Variants in LRRC37A2 observed in about 807,000 individuals in gnomAD.
LRRC37A2 encodes leucine-rich repeat-containing protein 37A2.
Under a neutral mutation model 68.8 loss-of-function variants are expected in LRRC37A2, and 9 were observed. The ratio of observed to expected loss-of-function variants is 0.13; its 90% confidence interval spans 0.08 to 0.23. LRRC37A2 has a LOEUF of 0.23. Ranked by LOEUF, LRRC37A2 falls within the 10% of genes least tolerant of loss-of-function variation. The pLI is 1.00. For missense variants in LRRC37A2, 168 were observed against 950.4 expected, an observed-to-expected ratio of 0.18 and a Z score of 10.82; for synonymous variants, 63 against 367.6, an observed-to-expected ratio of 0.17 and a Z score of 9.48.
At chr17:46,764,997 C>G in the LRRC37A2 span, among the ~76,000 whole-genome samples, 10 of 152,364 alleles carry the variant, frequency 6.6e-5, no homozygotes, top group East Asian at 1.5e-3. Flanking sequence ...TCACGCCAGG[C>G]ATGCACTGTG....
chr17:46,914,205 G>C, the LRRC37A2 span, among the ~76,000 whole-genome samples: 1 of 152,202 alleles, frequency 6.6e-6, no homozygotes, highest in African/African-American at 2.4e-5. Context: ...GGCCCCAACG[G>C]TGCAAGGTGG....
At chr17:46,869,175 C>T in the LRRC37A2 span, among the ~76,000 whole-genome samples, 2 of 152,192 alleles carry the variant, frequency 1.3e-5, no homozygotes, top group African/African-American at 4.8e-5. Flanking sequence ...GGCTACCTTT[C>T]CTGGTCATTA....
the LRRC37A2 span, among the ~76,000 whole-genome samples, chr17:46,733,213 T>A: frequency 6.6e-6 from 1 of 152,272 alleles, no homozygotes; most frequent in South Asian, 2.1e-4. Flanking sequence ...AATGTGCTTT[T>A]CAAGATCAGG....
Position 46,528,786 on chromosome 17 carries a change from A to G in LRRC37A2, c.2906+4902A>G, listed in dbSNP as rs984085701. On this transcript the variant is annotated intron_variant, in intron 6 of 14. Transcript: ENST00000576629. ...CAGATTCTCTAGATTTTGCCCCTGA[A>G]AAAGCATTTACGTGATGCAGTCCGA... 16 of 672,676 alleles carry G rather than the reference A, an allele frequency of 2.4e-5. No individual in the cohort carries two copies. The African/African-American group carries it at 3.0e-4, about 12-fold the overall frequency. The allele number at this position is 672,676 out of a possible 1,614,324, so 41.7% of individuals were successfully genotyped here. A position where few individuals can be genotyped will look rare whatever the true frequency, so the allele number is the denominator to read the frequency against.
chr17:46,864,274 G>A, the LRRC37A2 span, among the ~76,000 whole-genome samples: 16 of 152,132 alleles, frequency 1.1e-4, no homozygotes, highest in African/African-American at 3.9e-4. Context: ...CCAGGAGTGC[G>A]GTTTCAGCCA....
the LRRC37A2 span, among the ~76,000 whole-genome samples, chr17:47,011,800 A>T: frequency 6.6e-6 from 1 of 152,236 alleles, no homozygotes; most frequent in South Asian, 2.1e-4. Context: ...TTTCCTCAGG[A>T]TTAGACACAG....
At chr17:46,983,888 T>A in the LRRC37A2 span, among the ~76,000 whole-genome samples, 1 of 152,150 alleles carries the variant, frequency 6.6e-6, no homozygotes, top group African/African-American at 2.4e-5. Flanking sequence ...GCCATTGGCT[T>A]CCAAGGTGAC....
chr17:46,378,014 A>T, the LRRC37A2 span, among the ~76,000 whole-genome samples: 1 of 72,048 alleles, frequency 1.4e-5, no homozygotes. Flanking sequence ...AAAGCATGCA[A>T]TATTTGTCTT....
chr17:46,895,237 G>C, the LRRC37A2 span, among the ~76,000 whole-genome samples: 1 of 152,246 alleles, frequency 6.6e-6, no homozygotes. Context: ...GAGGCTGCTA[G>C]CTGGGATCCC....
the LRRC37A2 span, chr17:46,979,192 AGCGACC>A: frequency 1.2e-5 from 6 of 511,588 alleles, no homozygotes; most frequent in Non-Finnish European, 1.9e-5. Flanking sequence ...CCGGGCGGGA[AGCGACC>A]GCCCGGAGGA....
the LRRC37A2 span, among the ~76,000 whole-genome samples, chr17:46,928,103 C>T: frequency 6.6e-6 from 1 of 152,068 alleles, no homozygotes; most frequent in Non-Finnish European, 1.5e-5. Flanking sequence ...CCACAATATC[C>T]CAGACTTACT....
the LRRC37A2 span, chr17:46,932,525 G>T: frequency 1.8e-6 from 1 of 558,010 alleles, no homozygotes; most frequent in South Asian, 2.5e-5. Flanking sequence ...AGAGACAGAT[G>T]ATTAGAACTT....
the LRRC37A2 span, chr17:46,941,205 T>G: frequency 1.0e-6 from 1 of 1,000,308 alleles, no homozygotes; most frequent in African/African-American, 1.7e-5. Context: ...CAAGACCAAG[T>G]AAGTTAGAGG....
chr17:46,866,459 G>A, the LRRC37A2 span, among the ~76,000 whole-genome samples: 2 of 151,868 alleles, frequency 1.3e-5, no homozygotes, highest in Non-Finnish European at 2.9e-5. Flanking sequence ...TGTGTGTGAG[G>A]GAGTGTGAGT....
At chr17:46,749,710 T>C in the LRRC37A2 span, 2 of 1,450,276 alleles carry the variant, frequency 1.4e-6, no homozygotes, top group Non-Finnish European at 9.3e-7. Context: ...GTGTTCAAGC[T>C]TACTGTAGTT....
the LRRC37A2 span, among the ~76,000 whole-genome samples, chr17:46,725,046 C>G: frequency 2.1e-4 from 32 of 151,986 alleles, no homozygotes; most frequent in Middle Eastern, 6.8e-3. Flanking sequence ...TATGAGGATA[C>G]AGAGGTAATT....
chr17:46,765,654 C>T, the LRRC37A2 span, among the ~76,000 whole-genome samples: 3 of 152,256 alleles, frequency 2.0e-5, no homozygotes, highest in Non-Finnish European at 4.4e-5. Flanking sequence ...TCTTGCCTAG[C>T]GGAGTCTCGG....
chr17:46,928,362 G>A, the LRRC37A2 span, among the ~76,000 whole-genome samples: 1 of 152,208 alleles, frequency 6.6e-6, no homozygotes, highest in Admixed American at 6.5e-5. Context: ...TCACGATGCA[G>A]AATGGTTGCT....
the LRRC37A2 span, chr17:46,940,739 C>G: frequency 3.8e-6 from 6 of 1,580,606 alleles, no homozygotes. Context: ...TTGATGAACC[C>G]TCATGCTGCA....
Sources: allele counts gnomAD v4.1 joint callset (sites outside exome capture counted in the v4.1 genomes callset), GRCh38; gene constraint gnomAD v4.1.1; transcripts MANE v1.5; gene names NCBI Gene and HGNC (gene_info 2026-07-23, HGNC 2026-07-21).